Variants in PCLO observed in about 807,000 individuals in gnomAD.
PCLO encodes protein piccolo.
Under a neutral mutation model 427.5 loss-of-function variants are expected in PCLO, and 82 were observed. The ratio of observed to expected loss-of-function variants is 0.19; its 90% CI spans 0.16 to 0.23. PCLO has a LOEUF of 0.23. Among genes scored for constraint, PCLO ranks in the 10% least tolerant of loss-of-function variants. The pLI is 1.00. For missense variants in PCLO, 6,239 were observed against 6,115.9 expected (o/e 1.02, Z -0.67); for synonymous variants, 2,357 against 2,155.4 (o/e 1.09, Z -2.59).
chr7:82,759,912 C>A (rs758259368), intron 24 of PCLO, among the ~76,000 whole-genome samples: 6 of 152,056 alleles, frequency 3.9e-5, no homozygotes, highest in Middle Eastern at 6.8e-3. Context: ...TGTTACAAGA[C>A]AGACTGGGAT....
At chr7:82,993,990 T>G (rs1054383181) in intron 3 of PCLO, among the ~76,000 whole-genome samples, 1 of 152,000 alleles carries the variant, frequency 6.6e-6, no homozygotes, top group South Asian at 2.1e-4. Context: ...ATAAAGGAGA[T>G]AAATAATTGG....
At chr7:82,868,712 G>T (rs1793157366) in intron 10 of PCLO, among the ~76,000 whole-genome samples, 1 of 152,066 alleles carries the variant, frequency 6.6e-6, no homozygotes, top group African/African-American at 2.4e-5. Context: ...GGATATCACT[G>T]GTTTTAGCTT....
intron 10 of PCLO, among the ~76,000 whole-genome samples, chr7:82,861,294 G>C (rs1792948708): frequency 6.6e-6 from 1 of 151,838 alleles, no homozygotes; most frequent in African/African-American, 2.4e-5. Flanking sequence ...CCAAAAATGG[G>C]AACCTAGAAA....
At chr7:83,050,818 C>G (rs1789235539) in intron 3 of PCLO, among the ~76,000 whole-genome samples, 1 of 151,360 alleles carries the variant, frequency 6.6e-6, no homozygotes, top group Admixed American at 6.6e-5. Flanking sequence ...GAGGCTAAAA[C>G]AGGAGAATCA....
chr7:83,065,457 T>C (rs1165549735), intron 3 of PCLO, among the ~76,000 whole-genome samples: 2 of 148,402 alleles, frequency 1.3e-5, no homozygotes, highest in African/African-American at 5.0e-5. Context: ...TTGGTTTGAG[T>C]GTTCTCAAGA....
chr7:83,145,773 C>T lies in PCLO; in HGVS notation c.1893+8975G>A, dbSNP rs138743016. On this transcript the variant is annotated intron_variant, in intron 2 of 24. Coordinates refer to ENST00000333891, the MANE Select transcript of PCLO (RefSeq NM_033026.6). ...ACTGCCAAATGTGATTTTTAGCTTA[C>T]GAATACTCTCACATTACAAATAATG... Among the ~76,000 whole-genome samples, 908 of 152,194 alleles carry T rather than the reference C, an allele frequency of 6.0e-3. 12 individuals carry two copies. Among genetic ancestry groups the T allele is most frequent in the African/African-American group, 0.019 (803 of 41,548 alleles).
At chr7:82,838,562 G>C (rs1792286802) in intron 14 of PCLO, among the ~76,000 whole-genome samples, 1 of 151,830 alleles carries the variant, frequency 6.6e-6, no homozygotes, top group Non-Finnish European at 1.5e-5. Flanking sequence ...TTTCCACAGT[G>C]AAAAGGCCTG....
chr7:82,765,898 GA>G (rs957635708), intron 22 of PCLO, among the ~76,000 whole-genome samples: 2 of 150,916 alleles, frequency 1.3e-5, no homozygotes, highest in Non-Finnish European at 3.0e-5. Flanking sequence ...AGCGGGGGGA[GA>G]AAAAAAAGTA....
At chr7:83,042,326 T>C (rs1788991498) in intron 3 of PCLO, among the ~76,000 whole-genome samples, 1 of 152,154 alleles carries the variant, frequency 6.6e-6, no homozygotes, top group Admixed American at 6.5e-5. Flanking sequence ...TATCTCTGCA[T>C]TGATAAATAT....
At chr7:83,087,586 T>A (rs1215269450) in intron 3 of PCLO, among the ~76,000 whole-genome samples, 4 of 152,192 alleles carry the variant, frequency 2.6e-5, no homozygotes, top group Non-Finnish European at 4.4e-5. Context: ...ATAAAAAGCA[T>A]AATTTATATT....
chr7:83,085,622 A>G (rs1374483136), intron 3 of PCLO, among the ~76,000 whole-genome samples: 1 of 152,166 alleles, frequency 6.6e-6, no homozygotes, highest in Non-Finnish European at 1.5e-5. Context: ...ATGAATTTCC[A>G]CTAACAGGAC....
chr7:83,052,130 A>G (rs911986114), intron 3 of PCLO, among the ~76,000 whole-genome samples: 1 of 152,046 alleles, frequency 6.6e-6, no homozygotes, highest in Non-Finnish European at 1.5e-5. Context: ...TTTGGAGATG[A>G]TATTTTAAAT....
At chr7:83,093,954 C>A (rs1390438995) in intron 3 of PCLO, among the ~76,000 whole-genome samples, 1 of 150,946 alleles carries the variant, frequency 6.6e-6, no homozygotes, top group South Asian at 2.1e-4. Context: ...TAATATCTTG[C>A]AAAACCACAG....
intron 22 of PCLO, among the ~76,000 whole-genome samples, chr7:82,791,080 T>C (rs1169501174): frequency 1.3e-5 from 2 of 152,328 alleles, no homozygotes; most frequent in South Asian, 2.1e-4. Flanking sequence ...ACACTGGGAA[T>C]AGCATAAATA....
intron 2 of PCLO, among the ~76,000 whole-genome samples, chr7:83,152,113 C>T (rs537782717): frequency 6.3e-4 from 96 of 151,906 alleles, no homozygotes; most frequent in Non-Finnish European, 1.0e-3. Flanking sequence ...TACAAGCGCC[C>T]GCCACCACGC....
At chr7:83,020,087 TAGATGGAAA>T (rs1175865289) in intron 3 of PCLO, among the ~76,000 whole-genome samples, 1 of 152,122 alleles carries the variant, frequency 6.6e-6, no homozygotes, top group Non-Finnish European at 1.5e-5. Context: ...CGACTTAACT[TAGATGGAAA>T]GCATTAGCAT....
intron 3 of PCLO, among the ~76,000 whole-genome samples, chr7:83,034,278 TC>T (rs1788739691): frequency 6.6e-6 from 1 of 152,192 alleles, no homozygotes; most frequent in Admixed American, 6.5e-5. Flanking sequence ...AACCTCTGCC[TC>T]CCAGGTTCAA....
At chr7:82,788,237 A>C (rs981236952) in intron 22 of PCLO, among the ~76,000 whole-genome samples, 3 of 147,594 alleles carry the variant, frequency 2.0e-5, no homozygotes, top group African/African-American at 7.4e-5. Flanking sequence ...ATAATATATA[A>C]TTTATATATA....
intron 22 of PCLO, among the ~76,000 whole-genome samples, chr7:82,779,466 G>A (rs1252167606): frequency 6.6e-6 from 1 of 152,114 alleles, no homozygotes; most frequent in Non-Finnish European, 1.5e-5. Flanking sequence ...GATGATTTAA[G>A]TGAATCAACA....
Sources: gnomAD v4.1 joint callset for allele counts (sites outside exome capture counted in the v4.1 genomes callset) on GRCh38, gnomAD v4.1.1 for gene constraint, MANE v1.5 for transcripts, NCBI Gene and HGNC (gene_info 2026-07-23, HGNC 2026-07-21) for gene names.